Variants in SPATA22 observed in about 807,000 individuals in gnomAD.
SPATA22 encodes the protein spermatogenesis-associated protein 22.
In SPATA22, 29 loss-of-function variants were observed where a neutral mutation model predicts 47.8. The ratio of observed to expected loss-of-function variants is 0.61; its 90% CI spans 0.45 to 0.83. The LOEUF (loss-of-function observed/expected upper bound fraction) is 0.83. SPATA22 is among the 40% of genes least tolerant of loss of function. The pLI is 0.00. For missense variants in SPATA22, 410 were observed against 421.7 expected, an observed-to-expected ratio of 0.97 and a Z score of 0.24; for synonymous variants, 133 against 140.9, an observed-to-expected ratio of 0.94 and a Z score of 0.40.
chr17:3,453,721 G>A (rs1024005593), intron 5 of SPATA22, among the ~76,000 whole-genome samples: 1 of 152,098 alleles, frequency 6.6e-6, no homozygotes, highest in Non-Finnish European at 1.5e-5. Context: ...CAATGGAAAT[G>A]CTCACTGAAG....
intron 1 of SPATA22, chr17:3,502,243 C>A (rs1301319713): frequency 6.6e-6 from 1 of 152,164 alleles, no homozygotes. Flanking sequence ...AAGGAATGTA[C>A]ATGTTTTAGA....
At chr17:3,468,453 C>G (rs1031572434) in intron 2 of SPATA22, 3 of 152,232 alleles carry the variant, frequency 2.0e-5, no homozygotes, top group Admixed American at 6.5e-5. Flanking sequence ...ACTCTGTGAA[C>G]AGTCTCTGAT....
At chr17:3,498,369 C>T (rs1209447488) in intron 1 of SPATA22, among the ~76,000 whole-genome samples, 1 of 151,852 alleles carries the variant, frequency 6.6e-6, no homozygotes. Context: ...TTTTTAGAGA[C>T]AGGGTTTCAT....
At chr17:3,462,852 G>A in intron 3 of SPATA22, 85 bp from the exon 4 acceptor site, 1 of 1,139,500 alleles carries the variant, frequency 8.8e-7, no homozygotes, top group Non-Finnish European at 1.3e-6. Context: ...AATTTGGAGG[G>A]TTTAAAAACT....
chr17:3,513,132 T>C (rs752088215), intron 1 of SPATA22: 2 of 152,622 alleles, frequency 1.3e-5, no homozygotes, highest in Non-Finnish European at 2.9e-5. Context: ...GCCAAATATA[T>C]AATACTTACA....
intron 1 of SPATA22, among the ~76,000 whole-genome samples, chr17:3,507,697 G>C (rs540558008): frequency 2.0e-5 from 3 of 152,236 alleles, no homozygotes; most frequent in African/African-American, 2.4e-5. Flanking sequence ...ATTAAACTGG[G>C]ATACGACACT....
At chr17:3,484,345 C>T (rs1305955146) in intron 1 of SPATA22, among the ~76,000 whole-genome samples, 1 of 152,254 alleles carries the variant, frequency 6.6e-6, no homozygotes, top group South Asian at 2.1e-4. Flanking sequence ...CAAACAGCTT[C>T]GTATGTGATG....
At chr17:3,464,742 G>A (rs1597406707) in intron 3 of SPATA22, among the ~76,000 whole-genome samples, 2 of 145,984 alleles carry the variant, frequency 1.4e-5, no homozygotes, top group Admixed American at 6.9e-5. Context: ...CCCTCCGCCC[G>A]GCAACCGCCC....
chr17:3,468,877 T>C (rs765241237), intron 2 of SPATA22: 1 of 949,718 alleles, frequency 1.1e-6, no homozygotes. Context: ...GTTCTCATCA[T>C]CCTTGCCATC....
intron 4 of SPATA22, 54 bp from the exon 5 acceptor site, chr17:3,462,632 A>T (rs550637000): frequency 1.3e-6 from 2 of 1,586,850 alleles, no homozygotes; most frequent in East Asian, 4.5e-5. Flanking sequence ...CAAATTGAGA[A>T]ATTAAGATAT....
chr17:3,445,404 T>C (rs369219475), intron 7 of SPATA22, among the ~76,000 whole-genome samples: 3 of 152,204 alleles, frequency 2.0e-5, no homozygotes, highest in African/African-American at 4.8e-5. Context: ...CTGAAGTATA[T>C]GGGAGTTCCA....
At chr17:3,457,505 A>G (rs1310273245) in intron 5 of SPATA22, among the ~76,000 whole-genome samples, 3 of 141,990 alleles carry the variant, frequency 2.1e-5, no homozygotes, top group Non-Finnish European at 4.6e-5. Context: ...TGGAACCACA[A>G]AAGACTCTGA....
chr17:3,499,352 A>G, intron 1 of SPATA22: 1 of 293,076 alleles, frequency 3.4e-6, no homozygotes, highest in Non-Finnish European at 6.2e-6. Context: ...CAACATTCTT[A>G]ATAAACAGCC....
intron 1 of SPATA22, chr17:3,501,587 A>T (rs2073989834): frequency 6.2e-6 from 1 of 162,454 alleles, no homozygotes; most frequent in Admixed American, 6.5e-5. Context: ...GAAATGACAA[A>T]GGATTTAGAA....
At chr17:3,499,235 AAATT>A in intron 1 of SPATA22, 2 of 639,962 alleles carry the variant, frequency 3.1e-6, no homozygotes, top group Non-Finnish European at 2.6e-6. Context: ...CACATTTCTT[AAATT>A]AATTAATATA....
Position 3,499,003 on chromosome 17 carries a change from C to A in SPATA22, c.-74+14409G>T, listed in dbSNP as rs1414684396. On this transcript the variant is annotated intron_variant, in intron 1 of 8. Transcript: ENST00000541913. Reference sequence around the variant, plus strand: ...GTGTACCCCGTGTTTGTGAATGAGGCCGCATATTACGAAAAGAAAGAAGCT... The same window carrying A: ...GTGTACCCCGTGTTTGTGAATGAGGACGCATATTACGAAAAGAAAGAAGCT... 2 of 1,614,024 alleles carry A rather than the reference C, an allele frequency of 1.2e-6. No individual in the cohort carries two copies. Among genetic ancestry groups the A allele is most frequent in the Non-Finnish European group, 1.7e-6 (2 of 1,180,024 alleles).
At chr17:3,455,021 G>A (rs1597395455) in intron 5 of SPATA22, among the ~76,000 whole-genome samples, 1 of 151,970 alleles carries the variant, frequency 6.6e-6, no homozygotes, top group Non-Finnish European at 1.5e-5. Context: ...ATCTCATTGT[G>A]GTTTTGATTT....
intron 1 of SPATA22, chr17:3,512,622 A>T (rs2074128104): frequency 6.6e-6 from 1 of 151,910 alleles, no homozygotes; most frequent in African/African-American, 2.4e-5. Context: ...GGCAGAGTGG[A>T]TTTTCTGGTG....
intron 1 of SPATA22, among the ~76,000 whole-genome samples, chr17:3,495,117 T>C (rs1053456228): frequency 2.0e-4 from 30 of 149,728 alleles, no homozygotes; most frequent in African/African-American, 7.1e-4. Context: ...CTTGAGAGAA[T>C]GTAGGAGGTT....
Sources: allele counts gnomAD v4.1 joint callset (sites outside exome capture counted in the v4.1 genomes callset), GRCh38; gene constraint gnomAD v4.1.1; transcripts MANE v1.5; gene names NCBI Gene and HGNC (gene_info 2026-07-23, HGNC 2026-07-21).